Variants in KCNMA1 observed in about 807,000 individuals in gnomAD.
KCNMA1 encodes potassium calcium-activated channel subfamily M alpha 1.
KCNMA1 carries 29 observed loss-of-function variants against 140.0 expected under a neutral mutation model. That is an observed-to-expected ratio of 0.21 (90% CI 0.15 to 0.28). KCNMA1 has a LOEUF of 0.28. Among genes scored for constraint, KCNMA1 ranks in the 10% least tolerant of loss-of-function variants. The pLI is 1.00. For synonymous variants in KCNMA1, 612 were observed against 611.9 expected (o/e 1.00, Z 0.00); for missense variants, 880 against 1,602.2 (o/e 0.55, Z 7.70).
At chr10:77,295,408 C>T (rs1464644674) in intron 2 of KCNMA1, among the ~76,000 whole-genome samples, 3 of 151,334 alleles carry the variant, frequency 2.0e-5, no homozygotes, top group Non-Finnish European at 4.4e-5. Flanking sequence ...GAAAATTATA[C>T]ATAGACACGC....
intron 2 of KCNMA1, chr10:77,373,015 A>C (rs1368447201): frequency 2.0e-5 from 3 of 152,242 alleles, no homozygotes; most frequent in Non-Finnish European, 4.4e-5. Flanking sequence ...GTTACACATT[A>C]ATGTGTAGGA....
chr10:77,484,852 C>A (rs1162912644), intron 1 of KCNMA1, among the ~76,000 whole-genome samples: 1 of 152,214 alleles, frequency 6.6e-6, no homozygotes. Flanking sequence ...GTCTAGCCTG[C>A]CTCTTGTCAC....
chr10:76,932,502 C>T (rs2059522858), intron 23 of KCNMA1, among the ~76,000 whole-genome samples: 1 of 152,176 alleles, frequency 6.6e-6, no homozygotes, highest in South Asian at 2.1e-4. Context: ...CATGACTGAA[C>T]TTGACTGCAA....
chr10:77,040,578 T>C (rs924442505), intron 14 of KCNMA1, among the ~76,000 whole-genome samples: 20 of 152,216 alleles, frequency 1.3e-4, no homozygotes, highest in African/African-American at 4.6e-4. Flanking sequence ...TGAATGTTTG[T>C]AAAGCCATAA....
intron 18 of KCNMA1, among the ~76,000 whole-genome samples, chr10:77,007,238 CT>C (rs1380403522): frequency 6.6e-6 from 1 of 152,174 alleles, no homozygotes; most frequent in Non-Finnish European, 1.5e-5. Context: ...CTTGTTCAGA[CT>C]TATACATTGC....
chr10:77,461,784 C>T (rs1268893993), intron 1 of KCNMA1, among the ~76,000 whole-genome samples: 1 of 152,152 alleles, frequency 6.6e-6, no homozygotes, highest in Admixed American at 6.5e-5. Context: ...TGTGCTTTGT[C>T]TTCCTCTTCC....
chr10:76,977,404 T>C, intron 19 of KCNMA1: 1 of 591,472 alleles, frequency 1.7e-6, no homozygotes, highest in Non-Finnish European at 3.0e-6. Context: ...TTGGTGGCTA[T>C]AAATAAAATT....
chr10:77,319,699 T>C (rs928890198), intron 2 of KCNMA1, among the ~76,000 whole-genome samples: 1 of 152,212 alleles, frequency 6.6e-6, no homozygotes, highest in African/African-American at 2.4e-5. Context: ...ATGAGCCACA[T>C]GATGCGTGAC....
Position 76,885,166 on chromosome 10 carries a change from G to A in KCNMA1, c.*2100C>T, listed in dbSNP as rs202014748. 2.6e-5 allele frequency: 33 copies of A among 1,289,104 alleles called. 1 individual carries two copies. The South Asian group carries it at 7.6e-4, about 30-fold the overall frequency. The allele number at this position is 1,289,104 out of a possible 1,614,324, so 79.9% of individuals were successfully genotyped here. A position where few individuals can be genotyped will look rare whatever the true frequency, so the allele number is the denominator to read the frequency against. ...CTCCTTTGCAAAGAATGCATGAAGA[G>A]CTCTTCATGATCCAATACTAGGGGA... On this transcript the variant is annotated 3_prime_UTR_variant, in exon 28 of 28. Transcript: ENST00000286628.
chr10:77,045,416 A>T (rs2094984457), intron 14 of KCNMA1, among the ~76,000 whole-genome samples: 1 of 152,212 alleles, frequency 6.6e-6, no homozygotes, highest in South Asian at 2.1e-4. Flanking sequence ...TATTCATCAA[A>T]TACACACGGG....
intron 12 of KCNMA1, among the ~76,000 whole-genome samples, chr10:77,081,351 G>T (rs549701458): frequency 1.3e-4 from 20 of 152,210 alleles, no homozygotes; most frequent in Admixed American, 1.1e-3. Flanking sequence ...TTCTCTCCAC[G>T]TGTAAGTTAT....
At chr10:77,498,751 A>G (rs1287938752) in intron 1 of KCNMA1, 1 of 152,214 alleles carries the variant, frequency 6.6e-6, no homozygotes, top group Non-Finnish European at 1.5e-5. Context: ...GCAAAACACG[A>G]AAACCTCCCA....
chr10:77,609,896 G>A (rs2086150454), intron 1 of KCNMA1, among the ~76,000 whole-genome samples: 1 of 152,182 alleles, frequency 6.6e-6, no homozygotes, highest in South Asian at 2.1e-4. Context: ...GTCAGCAGTG[G>A]ACAAAACCTT....
At chr10:77,460,861 T>A (rs2097853891) in intron 1 of KCNMA1, among the ~76,000 whole-genome samples, 1 of 152,092 alleles carries the variant, frequency 6.6e-6, no homozygotes, top group South Asian at 2.1e-4. Flanking sequence ...ATCCCAGCAC[T>A]CTGGGAGGCC....
chr10:77,352,936 G>A (rs867616006), intron 2 of KCNMA1, among the ~76,000 whole-genome samples: 4 of 152,258 alleles, frequency 2.6e-5, no homozygotes, highest in Admixed American at 6.5e-5. Flanking sequence ...AGCTCTCCCC[G>A]ACTTAGTTGG....
intron 3 of KCNMA1, among the ~76,000 whole-genome samples, chr10:77,196,817 G>A (rs889402796): frequency 3.1e-4 from 47 of 152,092 alleles, no homozygotes; most frequent in African/African-American, 1.1e-3. Flanking sequence ...GGAATGCCTC[G>A]CCTTTCATTT....
chr10:77,027,504 T>A (rs2093568107), intron 16 of KCNMA1, among the ~76,000 whole-genome samples: 1 of 152,168 alleles, frequency 6.6e-6, no homozygotes, highest in Admixed American at 6.5e-5. Context: ...AAAGGGGTTT[T>A]AAGTTCTGGT....
intron 2 of KCNMA1, among the ~76,000 whole-genome samples, chr10:77,382,574 T>C (rs1264392755): frequency 6.6e-6 from 1 of 152,014 alleles, no homozygotes; most frequent in Non-Finnish European, 1.5e-5. Context: ...CAAATAATAT[T>C]CCAAGTGGGG....
intron 1 of KCNMA1, among the ~76,000 whole-genome samples, chr10:77,605,969 G>C (rs2084347123): frequency 6.6e-6 from 1 of 152,084 alleles, no homozygotes; most frequent in Non-Finnish European, 1.5e-5. Flanking sequence ...ACCATGCCAC[G>C]CTACCCTGCT....
Sources: allele counts gnomAD v4.1 joint callset (sites outside exome capture counted in the v4.1 genomes callset), GRCh38; gene constraint gnomAD v4.1.1; transcripts MANE v1.5; gene names NCBI Gene and HGNC (gene_info 2026-07-23, HGNC 2026-07-21).